The following RUNX2 variants were observed in gnomAD, a reference collection of about 807,000 sequenced individuals.
The protein encoded by RUNX2 is runt-related transcription factor 2.
RUNX2 carries 10 observed loss-of-function variants against 51.7 expected under a neutral mutation model. The observed-to-expected ratio is 0.19, with a 90% CI of 0.12 to 0.33. The LOEUF is 0.33. Ranked by LOEUF, RUNX2 falls within the 10% of genes least tolerant of loss-of-function variation. The pLI is 1.00. For synonymous variants in RUNX2, 276 were observed against 273.6 expected (o/e 1.01, Z -0.09); for missense variants, 562 against 691.3 (o/e 0.81, Z 2.10).
rs1039958193 is a variant in RUNX2, at chr6:45,549,189, G to A, written c.*1884G>A. 2 of 398,406 alleles carry A rather than the reference G, an allele frequency of 5.0e-6. No individual in the cohort carries two copies. The highest frequency in any genetic ancestry group is 8.8e-6 in the Non-Finnish European group (2 of 226,078). The allele number at this position is 398,406 out of a possible 1,614,324, so 24.7% of individuals were successfully genotyped here. ...AAGGATCATCTAATGACACCACCAG[G>A]CCAATCCCTGCTCTCCTCCCCGAAA... is the stretch of plus-strand genomic sequence containing the variant. On this transcript the variant is annotated 3_prime_UTR_variant, in exon 9 of 9. Transcript: ENST00000647337.
chr6:45,399,417 T>C (rs1797654579), intron 2 of RUNX2, among the ~76,000 whole-genome samples: 1 of 134,372 alleles, frequency 7.4e-6, no homozygotes, highest in Middle Eastern at 4.1e-3. Context: ...TGGAGTGTAG[T>C]GGCACGATCT....
intron 2 of RUNX2, among the ~76,000 whole-genome samples, chr6:45,408,038 A>G (rs750431711): frequency 1.2e-4 from 18 of 152,200 alleles, no homozygotes; most frequent in Non-Finnish European, 2.2e-4. Context: ...TACTTTTTAT[A>G]AACAATTATT....
chr6:45,533,888 C>CTTTT (rs553154980), intron 7 of RUNX2, among the ~76,000 whole-genome samples: 10 of 108,080 alleles, frequency 9.3e-5, no homozygotes, highest in East Asian at 2.6e-4. Context: ...CCTGTTGAGA[C>CTTTT]TTTTTTTTTT....
At chr6:45,454,534 TG>T (rs1426274730) in intron 5 of RUNX2, among the ~76,000 whole-genome samples, 1 of 152,198 alleles carries the variant, frequency 6.6e-6, no homozygotes, top group Non-Finnish European at 1.5e-5. Flanking sequence ...AAAACTTTTA[TG>T]GGGAAGGGAG....
chr6:45,361,056 TG>T (rs1325005130), intron 2 of RUNX2, among the ~76,000 whole-genome samples: 1 of 152,160 alleles, frequency 6.6e-6, no homozygotes, highest in Non-Finnish European at 1.5e-5. Context: ...GAGGGTCACT[TG>T]TGCCTAAGAG....
intron 2 of RUNX2, among the ~76,000 whole-genome samples, chr6:45,386,855 A>C (rs769988920): frequency 2.0e-4 from 31 of 152,234 alleles, no homozygotes; most frequent in Non-Finnish European, 4.3e-4. Flanking sequence ...GATCAAATAA[A>C]GTCTTGGGCA....
At chr6:45,466,902 A>G (rs1460263960) in intron 5 of RUNX2, among the ~76,000 whole-genome samples, 1 of 152,242 alleles carries the variant, frequency 6.6e-6, no homozygotes, top group South Asian at 2.1e-4. Flanking sequence ...TTATTTGGTC[A>G]GATTGTGCTA....
intron 3 of RUNX2, among the ~76,000 whole-genome samples, chr6:45,430,754 CA>C (rs1798520283): frequency 6.6e-6 from 1 of 152,184 alleles, no homozygotes; most frequent in Non-Finnish European, 1.5e-5. Context: ...TATTGTCAGA[CA>C]GCTGTGGGCT....
chr6:45,359,835 G>GA (rs1793927018), intron 2 of RUNX2, among the ~76,000 whole-genome samples: 2 of 152,278 alleles, frequency 1.3e-5, no homozygotes, highest in South Asian at 4.1e-4. Flanking sequence ...CTTGAGCCCA[G>GA]AAGTTCAAGA....
chr6:45,538,454 C>G (rs1326497736), intron 7 of RUNX2, among the ~76,000 whole-genome samples: 1 of 151,998 alleles, frequency 6.6e-6, no homozygotes, highest in African/African-American at 2.4e-5. Flanking sequence ...GAAAGGCTCT[C>G]TCTGATTTAA....
At chr6:45,532,900 G>A (rs1002764189) in intron 7 of RUNX2, among the ~76,000 whole-genome samples, 3 of 142,652 alleles carry the variant, frequency 2.1e-5, no homozygotes, top group Non-Finnish European at 3.0e-5. Flanking sequence ...TAAGCAGACC[G>A]GGCTCTTTTT....
At chr6:45,521,047 C>A (rs1242087883) in intron 7 of RUNX2, among the ~76,000 whole-genome samples, 1 of 152,162 alleles carries the variant, frequency 6.6e-6, no homozygotes, top group Non-Finnish European at 1.5e-5. Flanking sequence ...AATTTAATTG[C>A]ATGCCATTCT....
At chr6:45,349,570 T>G (rs996490319) in intron 2 of RUNX2, among the ~76,000 whole-genome samples, 1 of 152,184 alleles carries the variant, frequency 6.6e-6, no homozygotes, top group African/African-American at 2.4e-5. Context: ...AGTTTAATGG[T>G]TCAGCAAGGC....
At chr6:45,545,917 C>A (rs147141906) in intron 8 of RUNX2, among the ~76,000 whole-genome samples, 2 of 152,284 alleles carry the variant, frequency 1.3e-5, no homozygotes, top group East Asian at 3.9e-4. Context: ...GAAAGGACTT[C>A]ATGTTTTAGG....
At position 45,329,784 on chromosome 6, in the gene RUNX2, A is replaced by C. The variant is rs577923187; in HGVS notation, c.58+1000A>C. Reference sequence around the variant, plus strand: ...TGATACAGATATGTAAATGACTTTAACATTCATCAGCTGATGTGTTATTAT... The same window carrying C: ...TGATACAGATATGTAAATGACTTTACCATTCATCAGCTGATGTGTTATTAT... On this transcript the variant is annotated intron_variant, in intron 2 of 8. Transcript: ENST00000647337. Among the ~76,000 whole-genome samples, 7 of 151,994 alleles carry C rather than the reference A, an allele frequency of 4.6e-5. No homozygotes were observed. The South Asian group carries it at 1.4e-3, about 31-fold the overall frequency.
chr6:45,476,867 T>A (rs1799969409), intron 5 of RUNX2, among the ~76,000 whole-genome samples: 1 of 152,216 alleles, frequency 6.6e-6, no homozygotes, highest in African/African-American at 2.4e-5. Context: ...GAGGTATTCT[T>A]ATGCAAGGAT....
intron 5 of RUNX2, among the ~76,000 whole-genome samples, chr6:45,469,706 A>G (rs1799741366): frequency 6.6e-6 from 1 of 152,218 alleles, no homozygotes; most frequent in South Asian, 2.1e-4. Context: ...AAAAACCTCA[A>G]AACCACTATG....
rs557978553 is a variant in RUNX2 at position 45,397,251 on chromosome 6, C to T, written c.59-25342C>T. 1.3e-3 allele frequency among the ~76,000 whole-genome samples: 192 copies of T among 152,022 alleles called. 2 individuals carry two copies. Among genetic ancestry groups the T allele is most frequent in the Non-Finnish European group, 1.9e-3 (131 of 67,954 alleles). On this transcript the variant is annotated intron_variant, in intron 2 of 8. Coordinates refer to ENST00000647337, the MANE Select transcript of RUNX2 (RefSeq NM_001024630.4). ...CCCAAGTAGCTGGGACTACAGGGGCCCACCACCACGTCCGGCTAATTTTTT... is the reference window on the plus strand; with the variant it reads ...CCCAAGTAGCTGGGACTACAGGGGCTCACCACCACGTCCGGCTAATTTTTT...
At chr6:45,386,952 A>G (rs1797360766) in intron 2 of RUNX2, among the ~76,000 whole-genome samples, 2 of 152,228 alleles carry the variant, frequency 1.3e-5, no homozygotes, top group Admixed American at 6.5e-5. Context: ...TTTAGTTGAC[A>G]GTAATGTGTA....
Sources: gnomAD v4.1 joint callset for allele counts (sites outside exome capture counted in the v4.1 genomes callset) on GRCh38, gnomAD v4.1.1 for gene constraint, MANE v1.5 for transcripts, NCBI Gene and HGNC (gene_info 2026-07-23, HGNC 2026-07-21) for gene names.